Variants in PRKAR1B observed in about 807,000 individuals in gnomAD.
The protein encoded by PRKAR1B is protein kinase cAMP-dependent type I regulatory subunit beta.
PRKAR1B carries 22 observed loss-of-function variants against 46.5 expected under a neutral mutation model. The observed-to-expected ratio is 0.47, with a 90% CI of 0.34 to 0.68. PRKAR1B has a LOEUF of 0.68. Among genes scored for constraint, PRKAR1B ranks in the 30% least tolerant of loss-of-function variants. PRKAR1B has a pLI of 0.01. For synonymous variants in PRKAR1B, 259 were observed against 217.7 expected (o/e 1.19, Z -1.67); for missense variants, 445 against 535.6 (o/e 0.83, Z 1.67).
intron 9 of PRKAR1B, chr7:578,681 ACTT>A (rs1366173776): frequency 1.6e-5 from 2 of 124,688 alleles, no homozygotes; most frequent in Non-Finnish European, 3.3e-5. Context: ...TTTTTATTTT[ACTT>A]TTTTTTTTTT....
At position 591,140 on chromosome 7, in the gene PRKAR1B, G is replaced by A. The variant is rs181303877; in HGVS notation, c.708+5006C>T. Among the ~76,000 whole-genome samples the A allele has an allele frequency of 1.8e-3, 271 of 152,394 alleles. 1 individual carries two copies. Among genetic ancestry groups the A allele is most frequent in the African/African-American group, 6.1e-3 (252 of 41,596 alleles). ...CCTCGTGCACCCGTCCATCTCTCGC[G>A]GCGGGGTGACAGCTGAAGGCTGCCA... On this transcript the variant is annotated intron_variant, in intron 7 of 10. Transcript: ENST00000537384.
At chr7:567,468 ATCATCACCATCACCT>A (rs1198877716) in intron 9 of PRKAR1B, among the ~76,000 whole-genome samples, 3 of 146,784 alleles carry the variant, frequency 2.0e-5, no homozygotes, top group South Asian at 2.4e-4. Context: ...CACTATCACC[ATCATCACCATCACCT>A]TCATCACCAT....
intron 4 of PRKAR1B, among the ~76,000 whole-genome samples, chr7:675,681 C>A (rs918659589): frequency 1.2e-4 from 19 of 152,202 alleles, no homozygotes; most frequent in Admixed American, 6.5e-5. Flanking sequence ...GGCGCAGTGG[C>A]TCACGCCTGT....
In PRKAR1B at chr7:666,811, G is replaced by A. The variant is rs1018405500; in HGVS notation, c.440+10418C>T. Among the ~76,000 whole-genome samples the A allele has an allele frequency of 1.3e-5, 2 of 152,224 alleles. No homozygotes were observed. The highest frequency in any genetic ancestry group is 4.8e-5 in the African/African-American group (2 of 41,460). ...TCAGACCAAGTACTGAGTGGGGCCTGACTGCGGGGTCTGTCTGGATAGCCG... is the reference window on the plus strand; with the variant it reads ...TCAGACCAAGTACTGAGTGGGGCCTAACTGCGGGGTCTGTCTGGATAGCCG... On this transcript the variant is annotated intron_variant, in intron 4 of 10. Coordinates refer to ENST00000537384, the MANE Select transcript of PRKAR1B (RefSeq NM_001164760.2). The surrounding 1 kb of genome is among the most constrained non-coding windows in gnomAD (Gnocchi z 4.9).
chr7:595,063 G>A (rs1231280587), intron 7 of PRKAR1B, among the ~76,000 whole-genome samples: 1 of 152,214 alleles, frequency 6.6e-6, no homozygotes, highest in Non-Finnish European at 1.5e-5. Context: ...CGTGGCTCCT[G>A]AGCACTCTGA....
chr7:726,752 C>T, intron 1 of PRKAR1B: 1 of 1,246,100 alleles, frequency 8.0e-7, no homozygotes, highest in Non-Finnish European at 1.0e-6. Flanking sequence ...GAGGCCGTGG[C>T]GGCCCCACAC....
chr7:560,608 C>T lies in PRKAR1B; in HGVS notation c.892-9138G>A, dbSNP rs1287711131. ...GGTCATCAGCACCAAAATCGGGCCG[C>T]AGACCAAGAGTCGAAGAGTCTGGGT... On this transcript the variant is annotated intron_variant, in intron 9 of 10. Transcript: ENST00000537384. The surrounding 1 kb of genome is among the most constrained non-coding windows in gnomAD (Gnocchi z 4.2). Among the ~76,000 whole-genome samples the T allele has an allele frequency of 6.6e-6, 1 of 152,154 alleles. No individual in the cohort carries two copies.
In PRKAR1B at chr7:550,556, CACG is replaced by C; in HGVS notation, c.1017_1019del (p.Val340del). 1 of 1,601,338 alleles carries C rather than the reference CACG, an allele frequency of 6.2e-7. No individual in the cohort carries two copies. The highest frequency in any genetic ancestry group is 8.5e-7 in the Non-Finnish European group (1 of 1,175,126). ...TCACACACTTGAGGGGCCCCCGGGC[CACG>C]ACAGTGGCCGCCCGGGGCCGGTTCA... On this transcript the variant is annotated inframe_deletion, in exon 11 of 11. Transcript: ENST00000537384.
At chr7:566,060 C>T (rs1021514438) in intron 9 of PRKAR1B, among the ~76,000 whole-genome samples, 3 of 152,084 alleles carry the variant, frequency 2.0e-5, no homozygotes, top group South Asian at 2.1e-4. Context: ...CTCAGAGACT[C>T]GTAAGGATTA....
intron 7 of PRKAR1B, among the ~76,000 whole-genome samples, chr7:591,206 T>C (rs1212177455): frequency 6.6e-6 from 1 of 152,048 alleles, no homozygotes; most frequent in Non-Finnish European, 1.5e-5. Flanking sequence ...GACTGCCCCT[T>C]TTGGGATCAT....
At chr7:629,480 C>T (rs1379533950) in intron 4 of PRKAR1B, among the ~76,000 whole-genome samples, 2 of 119,064 alleles carry the variant, frequency 1.7e-5, no homozygotes, top group African/African-American at 3.4e-5. Flanking sequence ...GGCTGGAAAA[C>T]GCTGCAGGAG....
chr7:703,738 C>T (rs1005148884), intron 2 of PRKAR1B, among the ~76,000 whole-genome samples: 4 of 151,878 alleles, frequency 2.6e-5, no homozygotes, highest in African/African-American at 9.7e-5. Flanking sequence ...ACCAACATTT[C>T]CAGAACACAG....
At chr7:720,478 G>A (rs940899679) in intron 1 of PRKAR1B, among the ~76,000 whole-genome samples, 3 of 152,244 alleles carry the variant, frequency 2.0e-5, no homozygotes, top group South Asian at 2.1e-4. Flanking sequence ...TGAGTGGTGT[G>A]TTCTGCAAAC....
rs1047363772 is a variant in PRKAR1B at position 593,310 on chromosome 7, T to C, written c.708+2836A>G. Among the ~76,000 whole-genome samples the C allele has an allele frequency of 1.3e-5, 2 of 152,130 alleles. No homozygotes were observed. The highest frequency in any genetic ancestry group is 2.4e-5 in the African/African-American group (1 of 41,420). On this transcript the variant is annotated intron_variant, in intron 7 of 10. Coordinates refer to ENST00000537384, the MANE Select transcript of PRKAR1B (RefSeq NM_001164760.2). The surrounding 1 kb of genome is among the most constrained non-coding windows in gnomAD (Gnocchi z 6.1). ...CCCGCGTCCCCCAGGTCCCAGCACG[T>C]CCCAGCTCGGGACTAAGGCAGAAAC...
At chr7:597,144 G>A (rs1435292463) in intron 6 of PRKAR1B, among the ~76,000 whole-genome samples, 1 of 152,270 alleles carries the variant, frequency 6.6e-6, no homozygotes, top group Admixed American at 6.5e-5. Flanking sequence ...CCCTCTGGGT[G>A]TCAATGAGCT....
Position 715,413 on chromosome 7 carries a change from C to T in PRKAR1B, c.-22-3886G>A, listed in dbSNP as rs377331364. Among the ~76,000 whole-genome samples the T allele has an allele frequency of 5.9e-5, 9 of 152,194 alleles. No individual in the cohort carries two copies. The East Asian group carries it at 9.7e-4, about 16-fold the overall frequency. ...TCGGACCACGTGGACCTCAACAGGT[C>T]GGTCGCCACCCTGCCACACGGTGAC... On this transcript the variant is annotated intron_variant, in intron 1 of 10. Transcript: ENST00000537384.
intron 1 of PRKAR1B, among the ~76,000 whole-genome samples, chr7:718,711 T>A (rs1031070078): frequency 1.3e-5 from 2 of 152,036 alleles, no homozygotes; most frequent in Admixed American, 1.3e-4. Context: ...AAATACCTCC[T>A]ACTTCCCACT....
chr7:709,362 T>C (rs1780501680), intron 2 of PRKAR1B, among the ~76,000 whole-genome samples: 1 of 146,902 alleles, frequency 6.8e-6, no homozygotes. Context: ...TGTGTGTGTG[T>C]ATGTATTTCT....
chr7:692,395 T>C (rs898607757), intron 2 of PRKAR1B, among the ~76,000 whole-genome samples: 4 of 151,802 alleles, frequency 2.6e-5, no homozygotes, highest in African/African-American at 9.7e-5. Flanking sequence ...GGCGAAGCTC[T>C]GTCTCAAAAA....
Sources: gnomAD v4.1 joint callset for allele counts (sites outside exome capture counted in the v4.1 genomes callset) on GRCh38, gnomAD v4.1.1 for gene constraint, Gnocchi (gnomAD v3.1) non-coding constraint, MANE v1.5 for transcripts, NCBI Gene and HGNC (gene_info 2026-07-23, HGNC 2026-07-21) for gene names.